ANKRD29: variants seen among roughly 807,000 people sequenced by gnomAD.
ANKRD29 encodes ankyrin repeat domain 29.
Under a neutral mutation model 38.0 loss-of-function variants are expected in ANKRD29, and 32 were observed. The ratio of observed to expected loss-of-function variants is 0.84; its 90% CI spans 0.64 to 1.13. The LOEUF (loss-of-function observed/expected upper bound fraction) is 1.13. ANKRD29 is among the 50% of genes most tolerant of loss of function. The pLI is 0.00. For missense variants in ANKRD29, 357 were observed against 377.9 expected (o/e 0.94, Z 0.46); for synonymous variants, 135 against 152.4 (o/e 0.89, Z 0.84).
chr18:23,601,528 C>T (rs2059512110), intron 9 of ANKRD29, among the ~76,000 whole-genome samples: 1 of 152,126 alleles, frequency 6.6e-6, no homozygotes, highest in African/African-American at 2.4e-5. Flanking sequence ...CCAGCCAGAT[C>T]CCTTACTAGA....
intron 9 of ANKRD29, among the ~76,000 whole-genome samples, chr18:23,608,673 G>A (rs1289058313): frequency 6.6e-6 from 1 of 152,186 alleles, no homozygotes; most frequent in African/African-American, 2.4e-5. Flanking sequence ...TTTAAGCTGT[G>A]CTTGTTCATT....
At chr18:23,615,890 T>TA (rs2059704180) in intron 8 of ANKRD29, among the ~76,000 whole-genome samples, 1 of 147,948 alleles carries the variant, frequency 6.8e-6, no homozygotes, top group East Asian at 1.9e-4. Flanking sequence ...ATATAGTATA[T>TA]ATTTATATTA....
In ANKRD29 at chr18:23,662,876, G is replaced by T. The variant is rs2060387048; in HGVS notation, c.-146C>A. ...GCTCCCGCCGCCCGGCCCGGCAGCA[G>T]CCGCCGCACACAGGGCCGGGCCGAA... On this transcript the variant is annotated 5_prime_UTR_variant, in exon 1 of 10. In the 5' UTR this introduces an upstream ATG that the reference lacks. Coordinates refer to ENST00000592179, the MANE Select transcript of ANKRD29 (RefSeq NM_173505.4). The T allele has an allele frequency of 1.5e-6, 1 of 680,282 alleles. No homozygotes were observed. Among genetic ancestry groups the T allele is most frequent in the Non-Finnish European group, 1.8e-6 (1 of 541,466 alleles). The allele number at this position is 680,282 out of a possible 1,614,324, so 42.1% of individuals were successfully genotyped here.
chr18:23,648,706 A>C (rs756459633), intron 2 of ANKRD29: 8 of 397,794 alleles, frequency 2.0e-5, no homozygotes, highest in Non-Finnish European at 3.5e-5. Context: ...TGTAGAAGAA[A>C]CATAACGCCC....
In ANKRD29 at chr18:23,633,212, G is replaced by C. The variant is rs377357005; in HGVS notation, c.429+839C>G. On this transcript the variant is annotated intron_variant, in intron 5 of 9. Coordinates refer to ENST00000592179, the MANE Select transcript of ANKRD29 (RefSeq NM_173505.4). The stretch of plus-strand genomic sequence containing the variant: ...GTGATGATGTACTAATTGACAGTTA[G>C]CTGCAAACAGACCCGCACTAGCAGT... Among the ~76,000 whole-genome samples, 9 of 152,330 alleles carry C rather than the reference G, an allele frequency of 5.9e-5. No individual in the cohort carries two copies. In the East Asian group the frequency reaches 7.7e-4, roughly 13 times the overall value.
At chr18:23,633,878 G>A (rs1288103194) in intron 5 of ANKRD29, among the ~76,000 whole-genome samples, 173 bp downstream of exon 5, 1 of 110,176 alleles carries the variant, frequency 9.1e-6, no homozygotes, top group East Asian at 2.1e-4. Flanking sequence ...CAGATATGTG[G>A]TTTCTATATA....
At chr18:23,649,235 G>A in intron 1 of ANKRD29, 42 bp from the exon 2 acceptor site, 1 of 1,443,374 alleles carries the variant, frequency 6.9e-7, no homozygotes. Flanking sequence ...ATTGATGTCA[G>A]TTAACATGAC....
chr18:23,641,972 C>A (rs141213556), intron 3 of ANKRD29, among the ~76,000 whole-genome samples: 1 of 152,096 alleles, frequency 6.6e-6, no homozygotes, highest in African/African-American at 2.4e-5. Flanking sequence ...GACTTGCCTG[C>A]GGAAAGGCGC....
chr18:23,609,009 GT>G (rs1568006092), intron 9 of ANKRD29, among the ~76,000 whole-genome samples: 1 of 151,894 alleles, frequency 6.6e-6, no homozygotes, highest in Non-Finnish European at 1.5e-5. Context: ...CAGGAGAATC[GT>G]TTGAACCTGG....
chr18:23,628,313 TC>T (rs1424817926), intron 6 of ANKRD29, among the ~76,000 whole-genome samples: 1 of 152,226 alleles, frequency 6.6e-6, no homozygotes, highest in African/African-American at 2.4e-5. Flanking sequence ...TTTATTTTTC[TC>T]AGGCTCCTTA....
In ANKRD29 at chr18:23,623,643, C is replaced by G. The variant is rs991672671; in HGVS notation, c.529-4014G>C. On this transcript the variant is annotated intron_variant, in intron 6 of 9. Coordinates refer to ENST00000592179, the MANE Select transcript of ANKRD29 (RefSeq NM_173505.4). ...TCTATAAAAAAAAGAACAATGATTT[C>G]ATATGTTTTTTTTTTTTGAGACGGA... Among the ~76,000 whole-genome samples, 4 of 151,454 alleles carry G rather than the reference C, an allele frequency of 2.6e-5. No homozygotes were observed. In the East Asian group the frequency reaches 7.8e-4, roughly 29 times the overall value.
Position 23,652,376 on chromosome 18 carries a change from G to A in ANKRD29, c.22-3183C>T, listed in dbSNP as rs569584583. ...AGCAACAGGCAGTCTCTTGCTTGAG[G>A]CTGCCCTTTAACTCCCCATCACACT... On this transcript the variant is annotated intron_variant, in intron 1 of 9. Coordinates refer to ENST00000592179, the MANE Select transcript of ANKRD29 (RefSeq NM_173505.4). 4.6e-5 allele frequency among the ~76,000 whole-genome samples: 7 copies of A among 152,282 alleles called. No homozygotes were observed. In the East Asian group the frequency reaches 1.4e-3, roughly 29 times the overall value.
At chr18:23,654,948 C>T (rs996687618) in intron 1 of ANKRD29, among the ~76,000 whole-genome samples, 4 of 152,064 alleles carry the variant, frequency 2.6e-5, no homozygotes, top group Non-Finnish European at 5.9e-5. Flanking sequence ...GGACTTCAAT[C>T]GTACACTTAT....
In ANKRD29 at chr18:23,662,860, G is replaced by T. The variant is rs2060386650; in HGVS notation, c.-130C>A. On this transcript the variant is annotated 5_prime_UTR_variant, in exon 1 of 10. Transcript: ENST00000592179. ...GCCTCCGACGCCGCGCGCTCCCGCC[G>T]CCCGGCCCGGCAGCAGCCGCCGCAC... 16 of 851,318 alleles carry T rather than the reference G, an allele frequency of 1.9e-5. No homozygotes were observed. Among genetic ancestry groups the T allele is most frequent in the Non-Finnish European group, 2.2e-5 (15 of 688,656 alleles). The allele number at this position is 851,318 out of a possible 1,614,324, so 52.7% of individuals were successfully genotyped here.
chr18:23,604,792 G>A (rs997786487), intron 9 of ANKRD29, among the ~76,000 whole-genome samples: 3 of 152,108 alleles, frequency 2.0e-5, no homozygotes, highest in African/African-American at 7.2e-5. Context: ...GCCTCCCAAA[G>A]TGCTGGAATT....
Position 23,643,945 on chromosome 18 carries a change from C to T in ANKRD29, c.231+2244G>A, listed in dbSNP as rs529407618. Reference sequence around the variant, plus strand: ...AGCACTGCAAGGCACTCTTAGCTTCCAAAACTGGTACAGGAGGCTGAGGTC... The same window carrying T: ...AGCACTGCAAGGCACTCTTAGCTTCTAAAACTGGTACAGGAGGCTGAGGTC... On this transcript the variant is annotated intron_variant, in intron 3 of 9. Transcript: ENST00000592179. Among the ~76,000 whole-genome samples, 136 of 152,346 alleles carry T rather than the reference C, an allele frequency of 8.9e-4. 1 individual carries two copies. The highest frequency in any genetic ancestry group is 1.8e-3 in the Admixed American group (28 of 15,292).
intron 6 of ANKRD29, among the ~76,000 whole-genome samples, chr18:23,627,470 A>G (rs1219781378): frequency 1.3e-5 from 2 of 152,240 alleles, no homozygotes; most frequent in African/African-American, 2.4e-5. Context: ...CTTGAGGAAG[A>G]AAAAACAGCT....
At chr18:23,610,382 G>T (rs2059626138) in intron 9 of ANKRD29, among the ~76,000 whole-genome samples, 1 of 152,228 alleles carries the variant, frequency 6.6e-6, no homozygotes, top group African/African-American at 2.4e-5. Flanking sequence ...GCAGGCTGAG[G>T]CAGGAGAATT....
At chr18:23,659,412 C>T (rs903345862) in intron 1 of ANKRD29, among the ~76,000 whole-genome samples, 1 of 152,066 alleles carries the variant, frequency 6.6e-6, no homozygotes, top group Non-Finnish European at 1.5e-5. Context: ...GGGTATATTC[C>T]TAGTAGTGAA....
Sources: allele counts gnomAD v4.1 joint callset (sites outside exome capture counted in the v4.1 genomes callset), GRCh38; gene constraint gnomAD v4.1.1; transcripts MANE v1.5; gene names NCBI Gene and HGNC (gene_info 2026-07-23, HGNC 2026-07-21).